PDE4B: variants seen among roughly 807,000 people sequenced by gnomAD.
The protein encoded by PDE4B is 3',5'-cyclic-AMP phosphodiesterase 4B.
Under a neutral mutation model 82.2 loss-of-function variants are expected in PDE4B, and 20 were observed. That is an observed-to-expected ratio of 0.24 (90% CI 0.17 to 0.35). The LOEUF is 0.35. Ranked by LOEUF, PDE4B falls within the 10% of genes least tolerant of loss-of-function variation. The pLI, the probability that PDE4B is intolerant of heterozygous loss-of-function variation, is 1.00. For missense variants in PDE4B, 655 were observed against 907.2 expected (o/e 0.72, Z 3.57); for synonymous variants, 320 against 318.9 (o/e 1.00, Z -0.04).
At chr1:65,898,738 G>C (rs893391273) in intron 1 of PDE4B, among the ~76,000 whole-genome samples, 2 of 152,022 alleles carry the variant, frequency 1.3e-5, no homozygotes, top group Non-Finnish European at 2.9e-5. Flanking sequence ...TTCAACAAAG[G>C]GTGCTGGGAT....
chr1:66,145,282 C>T (rs1301799056), intron 3 of PDE4B, among the ~76,000 whole-genome samples: 1 of 152,126 alleles, frequency 6.6e-6, no homozygotes, highest in Non-Finnish European at 1.5e-5. Context: ...CTCTCCAGTG[C>T]AGGCACCTAA....
intron 3 of PDE4B, among the ~76,000 whole-genome samples, chr1:65,970,030 G>T (rs1650047753): frequency 6.6e-6 from 1 of 151,886 alleles, no homozygotes; most frequent in Non-Finnish European, 1.5e-5. Flanking sequence ...AATAAACAAT[G>T]TATAAGTGCC....
chr1:65,801,669 A>G (rs990201165), intron 1 of PDE4B, among the ~76,000 whole-genome samples: 2 of 152,224 alleles, frequency 1.3e-5, no homozygotes, highest in African/African-American at 4.8e-5. Context: ...TAAAATTTAT[A>G]TTAAGAAAAC....
At chr1:66,261,146 G>A (rs1654649497) in intron 6 of PDE4B, among the ~76,000 whole-genome samples, 1 of 152,164 alleles carries the variant, frequency 6.6e-6, no homozygotes, top group South Asian at 2.1e-4. Flanking sequence ...TCAGACATCA[G>A]GGAGCTGAAA....
At chr1:65,993,579 A>C (rs1477206762) in intron 3 of PDE4B, among the ~76,000 whole-genome samples, 1 of 152,120 alleles carries the variant, frequency 6.6e-6, no homozygotes, top group Non-Finnish European at 1.5e-5. Flanking sequence ...ATAATGTATA[A>C]AGTCTAACTT....
rs189434161 is a variant in PDE4B, at chr1:66,108,545, C to T, written c.282-138915C>T. ...TGGGAGAAAATATTTGCAAACCACA[C>T]ATCTAATAAGGGATAATATCCAAAA... On this transcript the variant is annotated intron_variant, in intron 3 of 16. Coordinates refer to ENST00000341517, the MANE Select transcript of PDE4B (RefSeq NM_002600.4). 2.6e-3 allele frequency among the ~76,000 whole-genome samples: 389 copies of T among 152,034 alleles called. 4 individuals are homozygous for T. The South Asian group carries it at 0.038, about 15-fold the overall frequency.
intron 3 of PDE4B, among the ~76,000 whole-genome samples, chr1:66,162,010 A>C (rs1275539974): frequency 6.6e-6 from 1 of 152,188 alleles, no homozygotes; most frequent in Non-Finnish European, 1.5e-5. Context: ...CAACTATATG[A>C]AGCCCTTAGC....
rs1196602909 is a variant in PDE4B, at chr1:66,252,242, CT to C, written c.476+4591del. The stretch of plus-strand genomic sequence containing the variant: ...ACATGAAATAATGTACATGAAAGTG[CT>C]TTGTAAACTGTAAATATAACATAAA... On this transcript the variant is annotated intron_variant, in intron 4 of 16. Transcript: ENST00000341517. Among the ~76,000 whole-genome samples, 5 of 152,104 alleles carry C rather than the reference CT, an allele frequency of 3.3e-5. No homozygotes were observed. In the South Asian group the frequency reaches 1.0e-3, roughly 32 times the overall value.
At chr1:65,888,329 A>G (rs1557800032) in intron 1 of PDE4B, among the ~76,000 whole-genome samples, 1 of 152,212 alleles carries the variant, frequency 6.6e-6, no homozygotes, top group Non-Finnish European at 1.5e-5. Flanking sequence ...TACAAAAACC[A>G]TGCTGTTTTA....
At position 66,053,501 on chromosome 1, in the gene PDE4B, A is replaced by C. The variant is rs189169814; in HGVS notation, c.281+134666A>C. On this transcript the variant is annotated intron_variant, in intron 3 of 16. Coordinates refer to ENST00000341517, the MANE Select transcript of PDE4B (RefSeq NM_002600.4). ...ACCATTATTATCAATGGCATTTTAC[A>C]GTTGAGTACAATGAAACACAGAGAG... 2.0e-5 allele frequency among the ~76,000 whole-genome samples: 3 copies of C among 152,336 alleles called. No homozygotes were observed. The East Asian group carries it at 5.8e-4, about 29-fold the overall frequency.
chr1:65,809,581 A>G (rs1456718652), intron 1 of PDE4B, among the ~76,000 whole-genome samples: 1 of 152,150 alleles, frequency 6.6e-6, no homozygotes, highest in African/African-American at 2.4e-5. Flanking sequence ...AGATCTAAAC[A>G]CTGCCTTCAT....
chr1:66,045,045 C>T (rs1411508917), intron 3 of PDE4B, among the ~76,000 whole-genome samples: 5 of 151,580 alleles, frequency 3.3e-5, no homozygotes, highest in African/African-American at 4.8e-5. Flanking sequence ...GTATCTGATC[C>T]TCTGCATTCT....
At chr1:66,367,671 G>A in intron 13 of PDE4B, 25 bp from the exon 14 acceptor site, 1 of 1,575,750 alleles carries the variant, frequency 6.3e-7, no homozygotes, top group Non-Finnish European at 8.7e-7. Flanking sequence ...TTTTAATTAA[G>A]TCATCATTTG....
At chr1:65,876,382 G>A (rs998997245) in intron 1 of PDE4B, among the ~76,000 whole-genome samples, 3 of 151,912 alleles carry the variant, frequency 2.0e-5, no homozygotes, top group Admixed American at 2.0e-4. Context: ...ACACAATGGA[G>A]CAATACTTAA....
chr1:66,246,577 T>C (rs929027708), intron 3 of PDE4B, among the ~76,000 whole-genome samples: 3 of 152,186 alleles, frequency 2.0e-5, no homozygotes, highest in African/African-American at 7.2e-5. Context: ...AATGCATATG[T>C]AATGATAAAG....
Position 66,279,381 on chromosome 1 carries a change from GGAAATAA to G in PDE4B, c.634+13304_634+13310del, listed in dbSNP as rs371513734. ...CTCTGATTGTGAGTTTAAACCGTTT[GGAAATAA>G]GAAATAAGATACATTACTTGAGGCC... On this transcript the variant is annotated intron_variant, in intron 7 of 16. Coordinates refer to ENST00000341517, the MANE Select transcript of PDE4B (RefSeq NM_002600.4). 9.3e-3 allele frequency among the ~76,000 whole-genome samples: 1,414 copies of G among 152,136 alleles called. 18 individuals are homozygous for G. The highest frequency in any genetic ancestry group is 0.032 in the African/African-American group (1,307 of 41,476).
At chr1:66,119,083 G>T (rs760318712) in intron 3 of PDE4B, among the ~76,000 whole-genome samples, 1 of 152,144 alleles carries the variant, frequency 6.6e-6, no homozygotes, top group Non-Finnish European at 1.5e-5. Flanking sequence ...AACATCAGAA[G>T]AGCCTTAGAG....
intron 3 of PDE4B, among the ~76,000 whole-genome samples, chr1:66,216,348 A>G (rs1046483194): frequency 5.9e-5 from 9 of 151,864 alleles, no homozygotes; most frequent in Non-Finnish European, 1.2e-4. Context: ...CTCCTGATGA[A>G]TACAGTATAT....
chr1:66,058,594 G>T (rs1655422955), intron 3 of PDE4B, among the ~76,000 whole-genome samples: 1 of 152,206 alleles, frequency 6.6e-6, no homozygotes, highest in African/African-American at 2.4e-5. Flanking sequence ...AGTTATTGAT[G>T]TCTGTGCACC....
Sources: gnomAD v4.1 joint callset for allele counts (sites outside exome capture counted in the v4.1 genomes callset) on GRCh38, gnomAD v4.1.1 for gene constraint, MANE v1.5 for transcripts, NCBI Gene and HGNC (gene_info 2026-07-23, HGNC 2026-07-21) for gene names.